Variants in CEP128 observed in about 807,000 individuals in gnomAD.
The protein encoded by CEP128 is centrosomal protein 128, also known as centrosomal protein 128kDa.
Under a neutral mutation model 156.7 loss-of-function variants are expected in CEP128, and 132 were observed. The ratio of observed to expected loss-of-function variants is 0.84; its 90% CI spans 0.73 to 0.97. The LOEUF (loss-of-function observed/expected upper bound fraction) is 0.97, where lower values mean the gene tolerates loss of function less well. CEP128 is among the 50% of genes least tolerant of loss of function. CEP128 has a pLI of 0.00. For missense variants in CEP128, 1,252 were observed against 1,281.9 expected, an observed-to-expected ratio of 0.98 and a Z score of 0.36; for synonymous variants, 469 against 448.9, an observed-to-expected ratio of 1.04 and a Z score of -0.57.
At chr14:80,739,696 T>A (rs1294230429) in intron 19 of CEP128, among the ~76,000 whole-genome samples, 1 of 152,172 alleles carries the variant, frequency 6.6e-6, no homozygotes, top group Non-Finnish European at 1.5e-5. Context: ...GAGAGTTAAA[T>A]CATAGTATAC....
At chr14:80,890,442 A>T (rs1346593813) in intron 8 of CEP128, among the ~76,000 whole-genome samples, 1 of 152,222 alleles carries the variant, frequency 6.6e-6, no homozygotes, top group East Asian at 1.9e-4. Flanking sequence ...AATACTATCC[A>T]GTCATTTAAA....
At chr14:80,742,328 T>C (rs909157251) in intron 19 of CEP128, among the ~76,000 whole-genome samples, 2 of 152,166 alleles carry the variant, frequency 1.3e-5, no homozygotes, top group East Asian at 3.8e-4. Context: ...GCAAAACCAC[T>C]GAGACCTTCG....
At chr14:80,821,681 T>C (rs1885193688) in intron 13 of CEP128, among the ~76,000 whole-genome samples, 1 of 147,996 alleles carries the variant, frequency 6.8e-6, no homozygotes, top group Non-Finnish European at 1.5e-5. Flanking sequence ...CCCATTTAAT[T>C]TTTTTTTTTT....
chr14:80,764,785 T>C (rs979843509), intron 16 of CEP128, among the ~76,000 whole-genome samples: 3 of 152,208 alleles, frequency 2.0e-5, no homozygotes, highest in Non-Finnish European at 4.4e-5. Flanking sequence ...GTCCAAGCTA[T>C]ATGCAACAAT....
chr14:80,662,454 G>GT (rs1411848119), intron 19 of CEP128, among the ~76,000 whole-genome samples: 1 of 152,078 alleles, frequency 6.6e-6, no homozygotes, highest in Admixed American at 6.6e-5. Context: ...ATTACTCACT[G>GT]TGACCCTAGT....
intron 19 of CEP128, among the ~76,000 whole-genome samples, chr14:80,620,971 AC>A (rs2140656618): frequency 6.6e-6 from 1 of 152,310 alleles, no homozygotes; most frequent in East Asian, 1.9e-4. Context: ...AAGTATAAAC[AC>A]ACACAGCATG....
At chr14:80,860,087 T>C (rs532316358) in intron 9 of CEP128, among the ~76,000 whole-genome samples, 1 of 152,308 alleles carries the variant, frequency 6.6e-6, no homozygotes, top group Admixed American at 6.5e-5. Flanking sequence ...ACTATTATCA[T>C]ATGGTATAGG....
Position 80,663,810 on chromosome 14 carries a change from G to C in CEP128, c.2806+79265C>G, listed in dbSNP as rs544285550. Among the ~76,000 whole-genome samples the C allele has an allele frequency of 2.0e-5, 3 of 152,312 alleles. No individual in the cohort carries two copies. The South Asian group carries it at 6.2e-4, about 32-fold the overall frequency. ...TTATAATCACAGATGGTTCACATAG[G>C]ATTGGCCTCAAGTCTTGTTCTTGTC... On this transcript the variant is annotated intron_variant, in intron 19 of 24. Transcript: ENST00000555265.
At chr14:80,486,289 C>T (rs562848634), downstream of CEP128, among the ~76,000 whole-genome samples, 313 of 151,594 alleles carry the variant, frequency 2.1e-3, 2 homozygotes, top group East Asian at 5.8e-3. Context: ...ATGAAATGAA[C>T]GAAATGAAGC....
At chr14:80,511,941 AC>A (rs1467551180) in intron 23 of CEP128, among the ~76,000 whole-genome samples, 1 of 152,034 alleles carries the variant, frequency 6.6e-6, no homozygotes, top group African/African-American at 2.4e-5. Context: ...CAGAGAAGAT[AC>A]TTGGTTTTTC....
intron 19 of CEP128, among the ~76,000 whole-genome samples, chr14:80,639,219 T>C (rs1347045581): frequency 1.3e-5 from 2 of 152,218 alleles, no homozygotes; most frequent in Non-Finnish European, 2.9e-5. Flanking sequence ...TGTGAAGCTA[T>C]TATACAAAAA....
At chr14:80,905,893 A>C in intron 5 of CEP128, 62 bp downstream of exon 5, 1 of 1,529,298 alleles carries the variant, frequency 6.5e-7, no homozygotes, top group Non-Finnish European at 8.9e-7. Context: ...CAAAAATTAA[A>C]TGTATTCAAT....
intron 19 of CEP128, chr14:80,742,855 A>G: frequency 2.0e-6 from 1 of 512,536 alleles, no homozygotes; most frequent in Non-Finnish European, 3.5e-6. Flanking sequence ...GCACACAGCC[A>G]GTAAATGCAG....
chr14:80,898,158 T>C (rs1174503438), intron 7 of CEP128, among the ~76,000 whole-genome samples: 1 of 152,240 alleles, frequency 6.6e-6, no homozygotes, highest in Non-Finnish European at 1.5e-5. Context: ...AAAGTTTGCT[T>C]CCCAGTGTAC....
intron 13 of CEP128, among the ~76,000 whole-genome samples, chr14:80,826,789 T>G (rs1261723463): frequency 2.0e-5 from 3 of 150,114 alleles, no homozygotes; most frequent in Non-Finnish European, 4.5e-5. Flanking sequence ...AGTTCTTTCT[T>G]GAATTTAAAA....
At chr14:80,759,167 T>C (rs559562200) in intron 17 of CEP128, among the ~76,000 whole-genome samples, 4 of 152,318 alleles carry the variant, frequency 2.6e-5, no homozygotes, top group Admixed American at 6.5e-5. Flanking sequence ...CTGTCCTTCA[T>C]TGTCAAACAC....
chr14:80,490,883 T>C (rs1375780094), intron 6 of CEP128, among the ~76,000 whole-genome samples: 5 of 142,626 alleles, frequency 3.5e-5, no homozygotes, highest in African/African-American at 1.2e-4. Context: ...AATTTGACCA[T>C]TGATCACAAT....
intron 2 of CEP128, among the ~76,000 whole-genome samples, chr14:80,923,785 G>A (rs1016969166): frequency 6.6e-6 from 1 of 152,136 alleles, no homozygotes; most frequent in South Asian, 2.1e-4. Flanking sequence ...TAGGCTTTGC[G>A]TCCCCACACA....
intron 14 of CEP128, among the ~76,000 whole-genome samples, chr14:80,787,545 A>G (rs1188803791): frequency 6.6e-6 from 1 of 152,260 alleles, no homozygotes; most frequent in Non-Finnish European, 1.5e-5. Context: ...ATGTCTTATC[A>G]TATTCATTGG....
Sources: allele counts gnomAD v4.1 joint callset (sites outside exome capture counted in the v4.1 genomes callset), GRCh38; gene constraint gnomAD v4.1.1; transcripts MANE v1.5; gene names NCBI Gene and HGNC (gene_info 2026-07-23, HGNC 2026-07-21).